The following CSMD1 variants were observed in gnomAD, a reference collection of about 807,000 sequenced individuals.
CSMD1 encodes the protein CUB and Sushi multiple domains 1.
Under a neutral mutation model 417.5 loss-of-function variants are expected in CSMD1, and 213 were observed. The ratio of observed to expected loss-of-function variants is 0.51; its 90% CI spans 0.46 to 0.57. The LOEUF (loss-of-function observed/expected upper bound fraction) is 0.57. Among genes scored for constraint, CSMD1 ranks in the 20% least tolerant of loss-of-function variants. The pLI, the probability that CSMD1 is intolerant of heterozygous loss-of-function variation, is 0.00. For missense variants in CSMD1, 6,923 were observed against 4,529.7 expected (o/e 1.53, Z -15.17); for synonymous variants, 2,862 against 1,736.8 (o/e 1.65, Z -16.11).
chr8:4,437,781 G>A (rs969817230), intron 2 of CSMD1, among the ~76,000 whole-genome samples: 2 of 152,148 alleles, frequency 1.3e-5, no homozygotes, highest in African/African-American at 4.8e-5. Context: ...TCTTTGAGTT[G>A]TCTCTATGGG....
At chr8:4,161,078 A>T (rs1446352481) in intron 3 of CSMD1, among the ~76,000 whole-genome samples, 1 of 151,954 alleles carries the variant, frequency 6.6e-6, no homozygotes, top group Non-Finnish European at 1.5e-5. Flanking sequence ...GGAAATGTAA[A>T]TAATGTAAGA....
At chr8:3,095,531 A>G (rs1044174792) in intron 47 of CSMD1, among the ~76,000 whole-genome samples, 1 of 152,190 alleles carries the variant, frequency 6.6e-6, no homozygotes, top group African/African-American at 2.4e-5. Context: ...TTTAATTTCC[A>G]ATTTATTAAT....
At chr8:4,013,579 A>C (rs938750292) in intron 4 of CSMD1, among the ~76,000 whole-genome samples, 2 of 152,152 alleles carry the variant, frequency 1.3e-5, no homozygotes, top group Non-Finnish European at 1.5e-5. Flanking sequence ...ACAAACACTT[A>C]TTTCAACAGG....
intron 1 of CSMD1, among the ~76,000 whole-genome samples, chr8:4,905,472 A>G (rs944474133): frequency 2.0e-5 from 3 of 152,138 alleles, no homozygotes; most frequent in Admixed American, 6.5e-5. Flanking sequence ...TAGGCATTCT[A>G]AAACAGGACA....
intron 40 of CSMD1, among the ~76,000 whole-genome samples, chr8:3,146,671 G>C (rs1818862731): frequency 6.6e-6 from 1 of 152,078 alleles, no homozygotes; most frequent in Non-Finnish European, 1.5e-5. Flanking sequence ...AGGCTGTGTG[G>C]GTCACTGTCC....
At chr8:4,848,968 G>A (rs765859134) in intron 1 of CSMD1, among the ~76,000 whole-genome samples, 14 of 152,324 alleles carry the variant, frequency 9.2e-5, no homozygotes, top group South Asian at 4.1e-4. Context: ...CTGTAAAACA[G>A]CCTCAGGCAG....
At chr8:3,492,296 G>C (rs1035925888) in intron 11 of CSMD1, among the ~76,000 whole-genome samples, 1 of 152,122 alleles carries the variant, frequency 6.6e-6, no homozygotes, top group African/African-American at 2.4e-5. Context: ...GAAATAAGGA[G>C]ACTTTTCTCC....
chr8:4,486,156 TAC>T lies in CSMD1; in HGVS notation c.303-66093_303-66092del, dbSNP rs1310241260. Among the ~76,000 whole-genome samples, 152 of 23,818 alleles carry T rather than the reference TAC, an allele frequency of 6.4e-3. 2 individuals are homozygous for T. Among genetic ancestry groups the T allele is most frequent in the African/African-American group, 0.018 (132 of 7,510 alleles). The allele number at this position is 23,818 out of a possible 152,430, so 15.6% of individuals were successfully genotyped here. On this transcript the variant is annotated intron_variant, in intron 2 of 69. Coordinates refer to ENST00000635120, the MANE Select transcript of CSMD1 (RefSeq NM_033225.6). Reference sequence around the variant, plus strand: ...ATATATACATACATATATATATATATACATACATATATATATATACATACATA... The same window carrying T: ...ATATATACATACATATATATATATATATACATATATATATATACATACATA...
At chr8:3,134,841 T>C (rs776114955) in intron 41 of CSMD1, among the ~76,000 whole-genome samples, 3 of 152,168 alleles carry the variant, frequency 2.0e-5, no homozygotes, top group Non-Finnish European at 4.4e-5. Flanking sequence ...ATCTGTGAAA[T>C]GTGCATAACC....
At chr8:4,252,809 A>G (rs1166227840) in intron 3 of CSMD1, among the ~76,000 whole-genome samples, 1 of 152,192 alleles carries the variant, frequency 6.6e-6, no homozygotes, top group Non-Finnish European at 1.5e-5. Flanking sequence ...CACTTTCTCC[A>G]TGCCAAGGAT....
At chr8:3,039,437 CTCCTT>C (rs1810933165) in intron 50 of CSMD1, among the ~76,000 whole-genome samples, 1 of 147,328 alleles carries the variant, frequency 6.8e-6, no homozygotes, top group Non-Finnish European at 1.5e-5. Context: ...TCCTTCCTCC[CTCCTT>C]TCTTCCTTTC....
At position 4,343,578 on chromosome 8, in the gene CSMD1, T is replaced by G. The variant is rs1800605903; in HGVS notation, c.415+76375A>C. Reference sequence around the variant, plus strand: ...CAATTATATATCAATAGAGCTGGAATAAAGTATATTTTTATCTAATAGAAA... The same window carrying G: ...CAATTATATATCAATAGAGCTGGAAGAAAGTATATTTTTATCTAATAGAAA... On this transcript the variant is annotated intron_variant, in intron 3 of 69. Coordinates refer to ENST00000635120, the MANE Select transcript of CSMD1 (RefSeq NM_033225.6). Among the ~76,000 whole-genome samples, 3 of 152,244 alleles carry G rather than the reference T, an allele frequency of 2.0e-5. No individual in the cohort carries two copies. The South Asian group carries it at 6.2e-4, about 32-fold the overall frequency.
intron 2 of CSMD1, among the ~76,000 whole-genome samples, chr8:4,489,600 T>C (rs1801595183): frequency 6.6e-6 from 1 of 152,078 alleles, no homozygotes; most frequent in African/African-American, 2.4e-5. Flanking sequence ...TCATACCTTC[T>C]CTTTAGTGTG....
At chr8:3,319,374 T>C (rs1011992573) in intron 23 of CSMD1, among the ~76,000 whole-genome samples, 4 of 152,208 alleles carry the variant, frequency 2.6e-5, no homozygotes, top group African/African-American at 4.8e-5. Flanking sequence ...GAATTTGGTA[T>C]AATTTTATGT....
intron 2 of CSMD1, among the ~76,000 whole-genome samples, chr8:4,582,654 G>A (rs544823821): frequency 1.3e-5 from 2 of 152,334 alleles, no homozygotes; most frequent in African/African-American, 2.4e-5. Context: ...AGTGAGAGGT[G>A]ACAGCAGGCT....
At chr8:3,899,397 G>C (rs1437894571) in intron 5 of CSMD1, among the ~76,000 whole-genome samples, 1 of 152,144 alleles carries the variant, frequency 6.6e-6, no homozygotes, top group Non-Finnish European at 1.5e-5. Context: ...GACCCATATG[G>C]GTATGCTGAT....
Position 3,272,261 on chromosome 8 carries a change from G to C in CSMD1, c.4153+11883C>G, listed in dbSNP as rs553512090. Among the ~76,000 whole-genome samples the C allele has an allele frequency of 3.1e-4, 44 of 143,924 alleles. 4 individuals are homozygous for C. Among genetic ancestry groups the C allele is most frequent in the African/African-American group, 1.1e-3 (44 of 38,658 alleles). The allele number at this position is 143,924 out of a possible 152,430, so 94.4% of individuals were successfully genotyped here. A position where few individuals can be genotyped will look rare whatever the true frequency, so the allele number is the denominator to read the frequency against. ...GTTGTAGATATGCGGCGTTATTTCTGAGGGCTCTGTTCTATTCCATTGATC... is the reference window on the plus strand; with the variant it reads ...GTTGTAGATATGCGGCGTTATTTCTCAGGGCTCTGTTCTATTCCATTGATC... On this transcript the variant is annotated intron_variant, in intron 26 of 69. Coordinates refer to ENST00000635120, the MANE Select transcript of CSMD1 (RefSeq NM_033225.6).
intron 3 of CSMD1, among the ~76,000 whole-genome samples, chr8:4,300,265 T>C (rs1294030438): frequency 6.6e-6 from 1 of 152,236 alleles, no homozygotes; most frequent in Non-Finnish European, 1.5e-5. Flanking sequence ...TTTCTGCATC[T>C]AACATATTTT....
intron 5 of CSMD1, among the ~76,000 whole-genome samples, chr8:3,900,272 T>A (rs1807646974): frequency 1.3e-5 from 2 of 149,698 alleles, no homozygotes; most frequent in African/African-American, 5.1e-5. Flanking sequence ...ACAGCACAGC[T>A]GCGTGACAGT....
Sources: gnomAD v4.1 joint callset for allele counts (sites outside exome capture counted in the v4.1 genomes callset) on GRCh38, gnomAD v4.1.1 for gene constraint, MANE v1.5 for transcripts, NCBI Gene and HGNC (gene_info 2026-07-23, HGNC 2026-07-21) for gene names.